Variants in IPO7 observed in about 807,000 individuals in gnomAD.
IPO7 encodes importin 7.
A neutral mutation model predicts 136.4 loss-of-function variants in IPO7; 13 were observed. The ratio of observed to expected loss-of-function variants is 0.10; its 90% CI spans 0.06 to 0.15. IPO7 has a LOEUF of 0.15. Ranked by LOEUF, IPO7 falls within the 10% of genes least tolerant of loss-of-function variation. The pLI, the probability that IPO7 is intolerant of heterozygous loss-of-function variation, is 1.00. For missense variants in IPO7, 857 were observed against 1,240.6 expected, an observed-to-expected ratio of 0.69 and a Z score of 4.65; for synonymous variants, 403 against 404.4, an observed-to-expected ratio of 1.00 and a Z score of 0.04.
chr11:9,397,341 A>AAAAAAAAAAAATAT lies in IPO7; in HGVS notation c.85-5948_85-5947insAAAAAAAAAATATA. On this transcript the variant is annotated intron_variant, in intron 1 of 24. Coordinates refer to ENST00000379719, the MANE Select transcript of IPO7 (RefSeq NM_006391.3). The stretch of plus-strand genomic sequence containing the variant: ...CTTTACTAAAAATAATTTAAAAAAA[A>AAAAAAAAAAAATAT]ATATATATATATATATATATATATT... Among the ~76,000 whole-genome samples the AAAAAAAAAAAATAT allele has an allele frequency of 2.0e-3, 22 of 10,760 alleles. 1 individual carries two copies. Among genetic ancestry groups the AAAAAAAAAAAATAT allele is most frequent in the Non-Finnish European group, 2.7e-3 (15 of 5,458 alleles). 7.1% of individuals were successfully genotyped at this position (10,760 alleles called of 152,430 possible).
chr11:9,391,777 AT>A lies in IPO7; in HGVS notation c.84+6936del, dbSNP rs1564990436. Among the ~76,000 whole-genome samples, 6 of 152,144 alleles carry A rather than the reference AT, an allele frequency of 3.9e-5. No homozygotes were observed. The South Asian group carries it at 1.2e-3, about 32-fold the overall frequency. ...TTTTAAAATTATTTTTATTGTTATTATTTTTTGAGACAGGGTTTCACACTGT... is the reference window on the plus strand; with the variant it reads ...TTTTAAAATTATTTTTATTGTTATTATTTTTGAGACAGGGTTTCACACTGT... On this transcript the variant is annotated intron_variant, in intron 1 of 24. Coordinates refer to ENST00000379719, the MANE Select transcript of IPO7 (RefSeq NM_006391.3).
At chr11:9,442,763 C>G (rs1855476450) in intron 24 of IPO7, among the ~76,000 whole-genome samples, 1 of 151,838 alleles carries the variant, frequency 6.6e-6, no homozygotes, top group Non-Finnish European at 1.5e-5. Context: ...TGGCTCATGC[C>G]TGTAATTCCA....
At chr11:9,419,536 G>A (rs1225864031) in intron 6 of IPO7, among the ~76,000 whole-genome samples, 1 of 113,550 alleles carries the variant, frequency 8.8e-6, no homozygotes, top group Non-Finnish European at 1.8e-5. Flanking sequence ...AACAGAGTGA[G>A]ACTCTGTCTA....
At chr11:9,395,323 A>G (rs955543455) in intron 1 of IPO7, among the ~76,000 whole-genome samples, 1 of 152,002 alleles carries the variant, frequency 6.6e-6, no homozygotes, top group African/African-American at 2.4e-5. Context: ...GGCTCACTGC[A>G]GCCTCCACCT....
In IPO7 at chr11:9,446,280, T is replaced by C. The variant is rs1318336035; in HGVS notation, c.*1086T>C. The C allele has an allele frequency of 2.0e-5, 3 of 152,240 alleles. No homozygotes were observed. Among genetic ancestry groups the C allele is most frequent in the South Asian group, 4.1e-4 (2 of 4,838 alleles). The allele number at this position is 152,240 out of a possible 1,614,324, so 9.4% of individuals were successfully genotyped here. A position where few individuals can be genotyped will look rare whatever the true frequency, so the allele number is the denominator to read the frequency against. ...CCTAATTATAACAAATTTTTCCTCA[T>C]TGGCCTGTTTTTAATCCTGTGCCTA... On this transcript the variant is annotated 3_prime_UTR_variant, in exon 25 of 25. Transcript: ENST00000379719.
In IPO7 at chr11:9,425,154, A is replaced by G. The variant is rs1855185835; in HGVS notation, c.1227A>G (p.Gln409=). 6.2e-7 allele frequency: 1 copy of G among 1,605,442 alleles called. No individual in the cohort carries two copies. Among genetic ancestry groups the G allele is most frequent in the African/African-American group, 1.3e-5 (1 of 74,682 alleles). Residue 409 remains glutamine, a synonymous_variant, in exon 12 of 25, where the codon CAA becomes CAG. Coordinates refer to ENST00000379719, the MANE Select transcript of IPO7 (RefSeq NM_006391.3). ...TACSKRKEVL[Q]KTMGFCYQIL... ...TTTCTCTTTTAATCTAGGTACTGCA[A>G]AAGACTATGGGATTTTGTTACCAGA... is the stretch of plus-strand genomic sequence containing the variant.
At chr11:9,422,932 C>T in intron 8 of IPO7, 74 bp from the exon 9 acceptor site, 1 of 827,308 alleles carries the variant, frequency 1.2e-6, no homozygotes. Context: ...TATGTGTTAA[C>T]TGTTTTTACT....
chr11:9,397,258 C>T (rs1036577752), intron 1 of IPO7, among the ~76,000 whole-genome samples: 1 of 143,920 alleles, frequency 6.9e-6, no homozygotes, highest in African/African-American at 2.6e-5. Flanking sequence ...AGGCTGGGCG[C>T]AGTGGATCAC....
chr11:9,430,788 A>T, intron 15 of IPO7, 87 bp from the exon 16 acceptor site: 1 of 1,047,698 alleles, frequency 9.5e-7, no homozygotes, highest in Non-Finnish European at 1.4e-6. Context: ...TATCCCAATG[A>T]GAACGTTCTA....
At chr11:9,409,896 T>C in intron 3 of IPO7, 32 bp from the exon 4 acceptor site, 1 of 1,482,598 alleles carries the variant, frequency 6.7e-7, no homozygotes, top group Non-Finnish European at 9.0e-7. Context: ...CTAGTTAGGA[T>C]TTTTTCCTTA....
chr11:9,384,908 G>T, intron 1 of IPO7, 61 bp downstream of exon 1: 1 of 1,342,860 alleles, frequency 7.4e-7, no homozygotes, highest in South Asian at 1.3e-5. Flanking sequence ...GGCAGGCCGA[G>T]CCCCCGGGGC....
intron 22 of IPO7, 31 bp from the exon 23 acceptor site, chr11:9,440,424 T>C (rs757102906): frequency 6.5e-7 from 1 of 1,543,090 alleles, no homozygotes; most frequent in Non-Finnish European, 9.0e-7. Flanking sequence ...TATGTCATTG[T>C]TATAAAAGTA....
chr11:9,427,540 G>A (rs769321662), intron 12 of IPO7, among the ~76,000 whole-genome samples: 4 of 152,208 alleles, frequency 2.6e-5, no homozygotes, highest in Non-Finnish European at 5.9e-5. Context: ...GATTACAGGC[G>A]TGAATCACTG....
At chr11:9,399,838 G>A (rs1196125564) in intron 1 of IPO7, among the ~76,000 whole-genome samples, 5 of 152,140 alleles carry the variant, frequency 3.3e-5, no homozygotes, top group African/African-American at 1.2e-4. Flanking sequence ...CACATCTAGG[G>A]TAGTGGAAAG....
At chr11:9,422,562 G>A (rs1411356803) in intron 8 of IPO7, among the ~76,000 whole-genome samples, 1 of 152,200 alleles carries the variant, frequency 6.6e-6, no homozygotes, top group Non-Finnish European at 1.5e-5. Context: ...ATTGACAGAT[G>A]CTAAATAGGC....
At chr11:9,420,803 AC>A in intron 8 of IPO7, 105 bp downstream of exon 8, 2 of 738,204 alleles carry the variant, frequency 2.7e-6, no homozygotes, top group East Asian at 2.6e-5. Flanking sequence ...GCCTGTTTGG[AC>A]CCTGTACCAG....
In IPO7 at chr11:9,431,022, G is replaced by T; in HGVS notation, c.1881+19G>T. On this transcript the variant is annotated intron_variant, in intron 16 of 24. Transcript: ENST00000379719. Reference sequence around the variant, plus strand: ...TAAAGAGGTAAGAAGATGATCTAGTGTTGCAGTTTTTCAAGCCATTTTATG... The same window carrying T: ...TAAAGAGGTAAGAAGATGATCTAGTTTTGCAGTTTTTCAAGCCATTTTATG... 1 of 1,605,742 alleles carries T rather than the reference G, an allele frequency of 6.2e-7. No homozygotes were observed. The highest frequency in any genetic ancestry group is 8.5e-7 in the Non-Finnish European group (1 of 1,173,680).
chr11:9,425,245 G>C lies in IPO7; in HGVS notation c.1318G>C (p.Ala440Pro). 6.3e-7 allele frequency: 1 copy of C among 1,588,630 alleles called. No individual in the cohort carries two copies. Among genetic ancestry groups the C allele is most frequent in the South Asian group, 1.1e-5 (1 of 90,514 alleles). Residue 440 changes from alanine (A) to proline (P), a missense_variant, in exon 12 of 25, where the codon GCT becomes CCT. Ala to Pro is a conservative substitution (Grantham distance 27). This residue lies in a region of IPO7 where 127 missense variants were observed against 222.4 expected (regional missense o/e 0.57). Coordinates refer to ENST00000379719, the MANE Select transcript of IPO7 (RefSeq NM_006391.3). ...AGCCCTGCATATGATTGGCTCTTTA[G>C]CTGAAATACTTCTGAAGGTATTCTT... ...DGALHMIGSLAEILLKKKIYK... is the reference protein window; with the variant it reads ...DGALHMIGSLPEILLKKKIYK...
At chr11:9,440,693 C>A in intron 23 of IPO7, 32 bp downstream of exon 23, 2 of 1,454,168 alleles carry the variant, frequency 1.4e-6, no homozygotes, top group Non-Finnish European at 1.9e-6. Flanking sequence ...GGATCCATTT[C>A]ATTGAACAAA....
Sources: gnomAD v4.1 joint callset for allele counts (sites outside exome capture counted in the v4.1 genomes callset) on GRCh38, gnomAD v4.1.1 for gene constraint, gnomAD v4.1.1 regional missense constraint, MANE v1.5 for transcripts, NCBI Gene and HGNC (gene_info 2026-07-23, HGNC 2026-07-21) for gene names.